The following ENOPH1 variants were observed in gnomAD, a reference collection of about 807,000 sequenced individuals.
The protein encoded by ENOPH1 is enolase-phosphatase E1.
In ENOPH1, 14 loss-of-function variants were observed where a neutral mutation model predicts 31.1. That is an observed-to-expected ratio of 0.45 (90% CI 0.30 to 0.70). ENOPH1 has a LOEUF of 0.70. ENOPH1 is among the 30% of genes least tolerant of loss of function. ENOPH1 has a pLI of 0.09. For missense variants in ENOPH1, 243 were observed against 321.5 expected (o/e 0.76, Z 1.87); for synonymous variants, 127 against 123.2 (o/e 1.03, Z -0.21).
chr4:82,434,905 TA>T lies in ENOPH1; in HGVS notation c.84+4006del, dbSNP rs778921272. Among the ~76,000 whole-genome samples the T allele has an allele frequency of 6.1e-3, 869 of 142,672 alleles. 1 individual carries two copies. The highest frequency in any genetic ancestry group is 6.2e-3 in the Non-Finnish European group (401 of 64,826). The allele number at this position is 142,672 out of a possible 152,430, so 93.6% of individuals were successfully genotyped here. On this transcript the variant is annotated intron_variant, in intron 1 of 5. Transcript: ENST00000273920. ...CTGAGTGACAGAGCGAGACTGTCTT[TA>T]AAAAAAAAAAAAAGTATATGGTAAC...
At chr4:82,433,658 G>A (rs940824505) in intron 1 of ENOPH1, among the ~76,000 whole-genome samples, 1 of 152,154 alleles carries the variant, frequency 6.6e-6, no homozygotes. Flanking sequence ...GCACTTTTGG[G>A]AAATGCTAGT....
intron 3 of ENOPH1, among the ~76,000 whole-genome samples, chr4:82,453,149 C>A (rs946731698): frequency 4.6e-5 from 7 of 151,210 alleles, no homozygotes; most frequent in Admixed American, 2.0e-4. Flanking sequence ...GATCCGCCCC[C>A]CCTTGGCCTC....
At chr4:82,451,009 A>G in intron 2 of ENOPH1, 34 bp from the exon 3 acceptor site, 5 of 1,587,148 alleles carry the variant, frequency 3.2e-6, no homozygotes, top group Non-Finnish European at 2.6e-6. Context: ...TTGAATAAGC[A>G]AAAAACAAAC....
Position 82,447,952 on chromosome 4 carries a change from TAA to T in ENOPH1, c.119_120del (p.Lys40ArgfsTer24). ...ILFPYIEENV[K>X]EYLQTHWEEE... Reference sequence around the variant, plus strand: ...TATTTCCTTACATCGAAGAAAATGTTAAAGAGTATCTGCAGACACATTGGGAA... The same window carrying T: ...TATTTCCTTACATCGAAGAAAATGTTAGAGTATCTGCAGACACATTGGGAA... On this transcript the variant is annotated frameshift_variant, in exon 2 of 6. Coordinates refer to ENST00000273920, the MANE Select transcript of ENOPH1 (RefSeq NM_021204.5). LOFTEE classifies it high-confidence loss of function. 1 of 1,612,038 alleles carries T rather than the reference TAA, an allele frequency of 6.2e-7. No homozygotes were observed. The highest frequency in any genetic ancestry group is 8.5e-7 in the Non-Finnish European group (1 of 1,178,920).
chr4:82,448,859 C>G (rs1228674581), intron 2 of ENOPH1, among the ~76,000 whole-genome samples: 1 of 150,854 alleles, frequency 6.6e-6, no homozygotes, highest in East Asian at 2.0e-4. Context: ...GAGATCGAGA[C>G]CATCTCGGCT....
At chr4:82,449,016 C>A (rs1311488936) in intron 2 of ENOPH1, among the ~76,000 whole-genome samples, 1 of 147,608 alleles carries the variant, frequency 6.8e-6, no homozygotes, top group Non-Finnish European at 1.5e-5. Context: ...CGAGATCCCG[C>A]CACTGCACTC....
chr4:82,430,862 C>T lies in ENOPH1; in HGVS notation c.33C>T (p.Thr11=), dbSNP rs1308436832. The change falls in exon 1 of 6, where the codon ACC becomes ACT. Residue 11 remains threonine, a synonymous_variant. Coordinates refer to ENST00000273920, the MANE Select transcript of ENOPH1 (RefSeq NM_021204.5). The part of the protein sequence containing the change: MVVLSVPAEV[T]VILLDIEGTT... ...TGCTTTCGGTCCCCGCCGAAGTCAC[C>T]GTGATCCTGTTAGATATCGAAGGTA... The T allele has an allele frequency of 1.2e-6, 2 of 1,614,206 alleles. No individual in the cohort carries two copies. Among genetic ancestry groups the T allele is most frequent in the East Asian group, 2.2e-5 (1 of 44,888 alleles).
intron 1 of ENOPH1, among the ~76,000 whole-genome samples, chr4:82,446,573 A>G (rs1269819298): frequency 6.6e-6 from 1 of 152,104 alleles, no homozygotes; most frequent in Non-Finnish European, 1.5e-5. Context: ...CAGCTAGTAA[A>G]AAGCGGAGGT....
intron 4 of ENOPH1, among the ~76,000 whole-genome samples, chr4:82,455,835 T>G (rs1195712550): frequency 6.6e-6 from 1 of 152,100 alleles, no homozygotes; most frequent in African/African-American, 2.4e-5. Context: ...AACTTGAATA[T>G]AGACCGAACT....
At position 82,438,020 on chromosome 4, in the gene ENOPH1, G is replaced by A. The variant is rs552136718; in HGVS notation, c.84+7107G>A. On this transcript the variant is annotated intron_variant, in intron 1 of 5. Transcript: ENST00000273920. ...CCAAAACCTACAAGTTATAGAGGAT[G>A]AAACCAGCTGATAATGGAAATTAAA... Among the ~76,000 whole-genome samples, 86 of 152,256 alleles carry A rather than the reference G, an allele frequency of 5.6e-4. 1 individual carries two copies. The highest frequency in any genetic ancestry group is 6.8e-3 in the Middle Eastern group (2 of 294).
At chr4:82,439,926 AG>A (rs1721997925) in intron 1 of ENOPH1, among the ~76,000 whole-genome samples, 1 of 152,082 alleles carries the variant, frequency 6.6e-6, no homozygotes, top group Non-Finnish European at 1.5e-5. Context: ...GTGGAGATGT[AG>A]GGGGAGGAGG....
chr4:82,450,865 T>C (rs1280483620), intron 2 of ENOPH1, among the ~76,000 whole-genome samples, 178 bp from the exon 3 acceptor site: 2 of 152,246 alleles, frequency 1.3e-5, no homozygotes, highest in Admixed American at 1.3e-4. Context: ...GTAAATTTAT[T>C]AATCCAGGTT....
intron 3 of ENOPH1, among the ~76,000 whole-genome samples, 178 bp downstream of exon 3, chr4:82,451,423 A>G (rs1243320919): frequency 6.6e-6 from 1 of 152,218 alleles, no homozygotes; most frequent in East Asian, 1.9e-4. Context: ...AAAATATTTC[A>G]GCTGACTAGA....
rs1721774976 is a variant in ENOPH1 at position 82,431,914 on chromosome 4, G to A, written c.84+1001G>A. Among the ~76,000 whole-genome samples the A allele has an allele frequency of 2.7e-5, 4 of 149,782 alleles. No individual in the cohort carries two copies. In the Admixed American group the frequency reaches 2.7e-4, roughly 10 times the overall value. On this transcript the variant is annotated intron_variant, in intron 1 of 5. Transcript: ENST00000273920. ...TTAAAAAAAATTATCTGTGAATAAGGCTTTTTTTTTTTTTTCTTTGAGAGT... is the reference window on the plus strand; with the variant it reads ...TTAAAAAAAATTATCTGTGAATAAGACTTTTTTTTTTTTTTCTTTGAGAGT...
intron 1 of ENOPH1, among the ~76,000 whole-genome samples, chr4:82,442,166 A>C (rs1326764507): frequency 2.6e-5 from 4 of 152,206 alleles, no homozygotes; most frequent in Non-Finnish European, 5.9e-5. Flanking sequence ...ATTTCCCCTA[A>C]GTTTATTCAC....
intron 3 of ENOPH1, among the ~76,000 whole-genome samples, chr4:82,451,754 G>C (rs924211778): frequency 4.6e-5 from 7 of 152,142 alleles, no homozygotes; most frequent in Non-Finnish European, 7.3e-5. Flanking sequence ...TAGCACTCCT[G>C]CCTGAGGAGA....
intron 5 of ENOPH1, among the ~76,000 whole-genome samples, chr4:82,459,614 A>G (rs1321533279): frequency 6.6e-6 from 1 of 152,076 alleles, no homozygotes; most frequent in Non-Finnish European, 1.5e-5. Flanking sequence ...GTCCTTTGGG[A>G]AACAGCTCAG....
At chr4:82,450,947 T>A in intron 2 of ENOPH1, 96 bp from the exon 3 acceptor site, 1 of 936,978 alleles carries the variant, frequency 1.1e-6, no homozygotes. Context: ...GGGCTAATGA[T>A]GGAGAAAGTT....
intron 1 of ENOPH1, among the ~76,000 whole-genome samples, chr4:82,442,331 C>A (rs1010402534): frequency 6.6e-6 from 1 of 152,132 alleles, no homozygotes; most frequent in Non-Finnish European, 1.5e-5. Context: ...ACCAGCCTGG[C>A]CAACATGGTG....
Sources: allele counts gnomAD v4.1 joint callset (sites outside exome capture counted in the v4.1 genomes callset), GRCh38; gene constraint gnomAD v4.1.1; transcripts MANE v1.5; gene names NCBI Gene and HGNC (gene_info 2026-07-23, HGNC 2026-07-21).